Variants in NTNG1 observed in about 807,000 individuals in gnomAD.
NTNG1 encodes netrin-G1.
Under a neutral mutation model 54.0 loss-of-function variants are expected in NTNG1, and 16 were observed. The ratio of observed to expected loss-of-function variants is 0.30; its 90% confidence interval spans 0.20 to 0.45. The LOEUF is 0.45. NTNG1 is among the 20% of genes least tolerant of loss of function. The probability of loss-of-function intolerance (pLI) is 1.00; values close to 1 mark genes in which losing one functional copy is unlikely to be tolerated. For synonymous variants in NTNG1, 255 were observed against 263.1 expected (o/e 0.97, Z 0.30); for missense variants, 530 against 678.7 (o/e 0.78, Z 2.43).
chr1:107,214,946 A>G (rs1013253274), intron 2 of NTNG1, among the ~76,000 whole-genome samples: 3 of 151,106 alleles, frequency 2.0e-5, no homozygotes, highest in Non-Finnish European at 1.5e-5. Flanking sequence ...ATAATTGTCT[A>G]TTTTGTCCTT....
intron 1 of NTNG1, among the ~76,000 whole-genome samples, chr1:107,143,782 A>C (rs1483468625): frequency 6.6e-6 from 1 of 152,092 alleles, no homozygotes; most frequent in Admixed American, 6.5e-5. Context: ...TTTGTTTTTC[A>C]TGTGGTAATT....
At chr1:107,398,305 G>T (rs1173864419) in intron 4 of NTNG1, among the ~76,000 whole-genome samples, 1 of 152,128 alleles carries the variant, frequency 6.6e-6, no homozygotes, top group South Asian at 2.1e-4. Flanking sequence ...AAATAGGATG[G>T]TCAGTTTCTG....
At chr1:107,387,482 C>G (rs949159722) in intron 3 of NTNG1, among the ~76,000 whole-genome samples, 1 of 152,190 alleles carries the variant, frequency 6.6e-6, no homozygotes, top group Non-Finnish European at 1.5e-5. Context: ...TTTAGTAAGC[C>G]TAGAGGAAGC....
chr1:107,362,403 G>C (rs1217185040), intron 3 of NTNG1, among the ~76,000 whole-genome samples: 2 of 152,084 alleles, frequency 1.3e-5, no homozygotes, highest in Non-Finnish European at 2.9e-5. Flanking sequence ...TGTGGTTGTT[G>C]GTTACATGTT....
chr1:107,445,775 A>G (rs1032128189), intron 7 of NTNG1, among the ~76,000 whole-genome samples: 3 of 152,048 alleles, frequency 2.0e-5, no homozygotes, highest in African/African-American at 7.2e-5. Flanking sequence ...CAGCTACTCA[A>G]CCCTGCTATT....
At chr1:107,468,114 GA>G (rs200855217) in intron 7 of NTNG1, among the ~76,000 whole-genome samples, 254 of 150,660 alleles carry the variant, frequency 1.7e-3, no homozygotes, top group South Asian at 2.7e-3. Flanking sequence ...CGATTCCCTG[GA>G]AAAAAAAATC....
In NTNG1 at chr1:107,484,610, G is replaced by A. The variant is rs778378928; in HGVS notation, c.*3770G>A. On this transcript the variant is annotated 3_prime_UTR_variant, in exon 8 of 8. Transcript: ENST00000370068. ...AGAAAGGTCCAGGTTGGAAGAAGGC[G>A]TCTGCTCCACAGTTCAGCTGGCCCT... is the stretch of plus-strand genomic sequence containing the variant. 1.3e-5 allele frequency among the ~76,000 whole-genome samples: 2 copies of A among 152,174 alleles called. No individual in the cohort carries two copies. Among genetic ancestry groups the A allele is most frequent in the Non-Finnish European group, 2.9e-5 (2 of 68,038 alleles).
intron 2 of NTNG1, chr1:107,260,875 G>A (rs564475316): frequency 1.3e-5 from 2 of 152,420 alleles, no homozygotes; most frequent in South Asian, 4.1e-4. Flanking sequence ...CCTGATAAAT[G>A]AAAGCCACTG....
At position 107,324,508 on chromosome 1, in the gene NTNG1, A is replaced by T; in HGVS notation, c.473A>T (p.Asp158Val). ...IVITFESGRP[D>V]QMILEKSLDY... ...ATTACCTTTGAATCTGGGCGTCCAG[A>T]CCAAATGATCCTGGAGAAGTCTCTC... The change falls in exon 3 of 8, where the codon GAC becomes GTC. Residue 158 changes from aspartate (D) to valine (V), a missense_variant. Physicochemically the swap from Asp to Val is radical, Grantham distance 152. Coordinates refer to ENST00000370068, the MANE Select transcript of NTNG1 (RefSeq NM_001113226.3). The T allele has an allele frequency of 6.2e-7, 1 of 1,613,802 alleles. No homozygotes were observed. The highest frequency in any genetic ancestry group is 8.5e-7 in the Non-Finnish European group (1 of 1,179,844).
At chr1:107,220,011 T>G (rs1319296552) in intron 2 of NTNG1, among the ~76,000 whole-genome samples, 2 of 152,110 alleles carry the variant, frequency 1.3e-5, no homozygotes, top group East Asian at 3.9e-4. Flanking sequence ...AGACAGACCA[T>G]CAGGTGTTAG....
intron 3 of NTNG1, 61 bp downstream of exon 3, chr1:107,324,983 G>T (rs1009645052): frequency 7.6e-5 from 111 of 1,469,430 alleles, no homozygotes; most frequent in Admixed American, 1.9e-4. Flanking sequence ...ATGCCAGAGT[G>T]TCTCACAGCT....
chr1:107,262,750 A>G (rs1462509634), intron 2 of NTNG1, among the ~76,000 whole-genome samples: 2 of 152,248 alleles, frequency 1.3e-5, no homozygotes, highest in African/African-American at 4.8e-5. Flanking sequence ...AGAAAAAGAC[A>G]AAGCAAATGA....
intron 3 of NTNG1, among the ~76,000 whole-genome samples, chr1:107,377,656 G>A (rs1671380386): frequency 6.6e-6 from 1 of 152,200 alleles, no homozygotes; most frequent in Admixed American, 6.6e-5. Flanking sequence ...TCCTCCTTGT[G>A]CCCTGCACTC....
At chr1:107,430,609 C>T in intron 5 of NTNG1, 141 bp from the exon 6 acceptor site, 1 of 863,754 alleles carries the variant, frequency 1.2e-6, no homozygotes, top group Non-Finnish European at 2.0e-6. Flanking sequence ...CCACCTGTTG[C>T]CACCATGTGT....
chr1:107,262,955 C>A (rs1663454253), intron 2 of NTNG1, among the ~76,000 whole-genome samples: 1 of 152,120 alleles, frequency 6.6e-6, no homozygotes, highest in Non-Finnish European at 1.5e-5. Flanking sequence ...GAGAAATCAG[C>A]CCATTAGAGG....
At chr1:107,223,090 A>G (rs1660454899) in intron 2 of NTNG1, among the ~76,000 whole-genome samples, 2 of 152,098 alleles carry the variant, frequency 1.3e-5, no homozygotes, top group Admixed American at 1.3e-4. Context: ...TCTGATCAAT[A>G]AGGTAGGTCT....
chr1:107,419,045 C>T (rs1674405729), intron 5 of NTNG1, among the ~76,000 whole-genome samples: 1 of 151,956 alleles, frequency 6.6e-6, no homozygotes, highest in African/African-American at 2.4e-5. Context: ...TGGGTAAATA[C>T]ATAGAGGTAG....
intron 2 of NTNG1, among the ~76,000 whole-genome samples, chr1:107,211,488 CAAT>C: frequency 6.6e-6 from 1 of 152,234 alleles, no homozygotes; most frequent in East Asian, 1.9e-4. Flanking sequence ...ACACCTAGTA[CAAT>C]GATTACTTGA....
intron 5 of NTNG1, among the ~76,000 whole-genome samples, chr1:107,414,136 G>T (rs182949969): frequency 6.6e-6 from 1 of 152,222 alleles, no homozygotes; most frequent in East Asian, 1.9e-4. Flanking sequence ...TTTGCAGCTT[G>T]ACTCACTGGG....
Sources: gnomAD v4.1 joint callset for allele counts (sites outside exome capture counted in the v4.1 genomes callset) on GRCh38, gnomAD v4.1.1 for gene constraint, MANE v1.5 for transcripts, NCBI Gene and HGNC (gene_info 2026-07-23, HGNC 2026-07-21) for gene names.